Variants in ABCB1 observed in about 807,000 individuals in gnomAD.
ABCB1 encodes the protein ATP-dependent translocase ABCB1.
ABCB1 carries 69 observed loss-of-function variants against 142.0 expected under a neutral mutation model. That is an observed-to-expected ratio of 0.49 (90% CI 0.40 to 0.59). The LOEUF (loss-of-function observed/expected upper bound fraction) is 0.59. Among genes scored for constraint, ABCB1 ranks in the 20% least tolerant of loss-of-function variants. ABCB1 has a pLI of 0.00. For synonymous variants in ABCB1, 532 were observed against 539.2 expected (o/e 0.99, Z 0.18); for missense variants, 1,326 against 1,554.7 (o/e 0.85, Z 2.47).
intron 5 of ABCB1, among the ~76,000 whole-genome samples, chr7:87,569,426 G>A (rs946868988): frequency 1.3e-5 from 2 of 151,280 alleles, no homozygotes; most frequent in Non-Finnish European, 1.5e-5. Flanking sequence ...TCACCTACAC[G>A]TACCTTTGGA....
intron 21 of ABCB1, among the ~76,000 whole-genome samples, chr7:87,530,830 C>CAAGA (rs1241023862): frequency 0.027 from 1,182 of 43,078 alleles, 9 homozygotes; most frequent in African/African-American, 0.067. Context: ...AGCAAGAAAG[C>CAAGA]AAGAAAGCAA....
intron 1 of ABCB1, among the ~76,000 whole-genome samples, chr7:87,625,972 A>C (rs1241993488): frequency 2.2e-5 from 3 of 134,130 alleles, no homozygotes; most frequent in Admixed American, 7.3e-5. Context: ...AGAGAGAGGA[A>C]TATATATATA....
chr7:87,541,148 C>T (rs28381938), intron 18 of ABCB1, among the ~76,000 whole-genome samples: 5 of 152,146 alleles, frequency 3.3e-5, no homozygotes, highest in East Asian at 3.9e-4. Context: ...GGTTTCATTG[C>T]GGGAGGTAAG....
At chr7:87,696,628 A>C (rs1179498255) in intron 1 of ABCB1, among the ~76,000 whole-genome samples, 1 of 152,182 alleles carries the variant, frequency 6.6e-6, no homozygotes, top group Non-Finnish European at 1.5e-5. Context: ...TGAAAAATTC[A>C]GTGTCTTGAA....
chr7:87,546,093 A>G, intron 14 of ABCB1, 69 bp from the exon 15 acceptor site: 15 of 1,500,894 alleles, frequency 1.0e-5, no homozygotes, highest in Non-Finnish European at 1.4e-5. Context: ...CATTCAACAT[A>G]TATTTACTGA....
chr7:87,582,286 A>T (rs937587572), intron 4 of ABCB1, among the ~76,000 whole-genome samples: 3 of 152,184 alleles, frequency 2.0e-5, no homozygotes, highest in Non-Finnish European at 2.9e-5. Context: ...ATAGATGCTG[A>T]CCATATTTGG....
intron 1 of ABCB1, among the ~76,000 whole-genome samples, chr7:87,701,507 A>G (rs1017996444): frequency 4.6e-5 from 7 of 152,340 alleles, no homozygotes; most frequent in Admixed American, 1.3e-4. Flanking sequence ...CATAACTTGT[A>G]TTTTCCAAAT....
rs41296636 is a variant in ABCB1, at chr7:87,536,372, C to T, written c.2481+86G>A. ...TTCAACATTTTCTTAATGATGATAA[C>T]TAACACCCGTAAGGAGAAAATTAGT... On this transcript the variant is annotated intron_variant, in intron 20 of 27. Coordinates refer to ENST00000622132, the MANE Select transcript of ABCB1 (RefSeq NM_001348946.2). 7.5e-5 allele frequency: 90 copies of T among 1,198,210 alleles called. No homozygotes were observed. The African/African-American group carries it at 1.3e-3, about 17-fold the overall frequency. The allele number at this position is 1,198,210 out of a possible 1,614,324, so 74.2% of individuals were successfully genotyped here.
chr7:87,590,424 T>C (rs1818952375), intron 3 of ABCB1, among the ~76,000 whole-genome samples: 2 of 152,112 alleles, frequency 1.3e-5, no homozygotes, highest in South Asian at 4.1e-4. Context: ...CAGTGATAAA[T>C]ATTCAGGAGA....
intron 1 of ABCB1, among the ~76,000 whole-genome samples, chr7:87,680,693 C>T (rs1438123084): frequency 6.7e-6 from 1 of 150,000 alleles, no homozygotes; most frequent in Admixed American, 6.7e-5. Context: ...ACTTAGGAGG[C>T]TGAAGGCAGG....
At chr7:87,548,431 G>T (rs1473824660) in intron 14 of ABCB1, among the ~76,000 whole-genome samples, 1 of 152,154 alleles carries the variant, frequency 6.6e-6, no homozygotes, top group Non-Finnish European at 1.5e-5. Context: ...TAAGCAAAAT[G>T]AGGGGAAAAA....
At chr7:87,523,092 G>A (rs1342918992) in intron 21 of ABCB1, among the ~76,000 whole-genome samples, 3 of 152,022 alleles carry the variant, frequency 2.0e-5, no homozygotes, top group African/African-American at 7.2e-5. Flanking sequence ...AAATTAATAA[G>A]TCAAAGAAAA....
chr7:87,702,588 T>C (rs1020085281), intron 1 of ABCB1, among the ~76,000 whole-genome samples: 14 of 152,276 alleles, frequency 9.2e-5, no homozygotes, highest in African/African-American at 2.6e-4. Flanking sequence ...CTCATTATTT[T>C]TGAATTACCT....
chr7:87,512,748 G>A (rs1233139082), intron 25 of ABCB1, among the ~76,000 whole-genome samples: 2 of 152,202 alleles, frequency 1.3e-5, no homozygotes, highest in Non-Finnish European at 2.9e-5. Context: ...CTGCTGAGAA[G>A]TCTGGCTGCA....
chr7:87,614,042 A>G (rs12536690), intron 1 of ABCB1, among the ~76,000 whole-genome samples: 9,784 of 152,104 alleles, frequency 0.064, 507 homozygotes, highest in African/African-American at 0.14. Context: ...TGGACAAACA[A>G]TTCTAAATAT....
intron 1 of ABCB1, among the ~76,000 whole-genome samples, chr7:87,693,696 A>G (rs977290421): frequency 2.6e-5 from 4 of 152,214 alleles, no homozygotes; most frequent in Non-Finnish European, 5.9e-5. Context: ...CCTCTCCAAT[A>G]CAATAAGCTA....
At chr7:87,613,804 C>A (rs547948057) in intron 1 of ABCB1, among the ~76,000 whole-genome samples, 1 of 152,102 alleles carries the variant, frequency 6.6e-6, no homozygotes, top group Non-Finnish European at 1.5e-5. Flanking sequence ...ATACAATATA[C>A]CCATGTAACA....
At chr7:87,700,489 A>G (rs1397090770) in intron 1 of ABCB1, 4 of 1,613,690 alleles carry the variant, frequency 2.5e-6, no homozygotes, top group Non-Finnish European at 3.4e-6. Flanking sequence ...GGCTTGCCGG[A>G]AAGTTTCACA....
intron 21 of ABCB1, chr7:87,521,458 G>A (rs4148744): frequency 0.098 from 70,032 of 711,330 alleles, 7,919 homozygotes; most frequent in East Asian, 0.38. Flanking sequence ...TTCCCCTGCC[G>A]TCATGTCTAA....
Sources: allele counts gnomAD v4.1 joint callset (sites outside exome capture counted in the v4.1 genomes callset), GRCh38; gene constraint gnomAD v4.1.1; transcripts MANE v1.5; gene names NCBI Gene and HGNC (gene_info 2026-07-23, HGNC 2026-07-21).